Variants in ADARB2 observed in about 807,000 individuals in gnomAD.
ADARB2 encodes the protein inactive double-stranded RNA-specific editase B2.
Under a neutral mutation model 62.2 loss-of-function variants are expected in ADARB2, and 25 were observed. That is an observed-to-expected ratio of 0.40 (90% confidence interval 0.29 to 0.56). The LOEUF is 0.56. Ranked by LOEUF, ADARB2 falls within the 20% of genes least tolerant of loss-of-function variation. The probability of loss-of-function intolerance (pLI) is 0.43; values close to 1 mark genes in which losing one functional copy is unlikely to be tolerated. For missense variants in ADARB2, 1,071 were observed against 1,077.4 expected (o/e 0.99, Z 0.08); for synonymous variants, 572 against 500.8 (o/e 1.14, Z -1.90).
At chr10:1,244,499 C>G (rs1413946251) in intron 4 of ADARB2, among the ~76,000 whole-genome samples, 1 of 152,204 alleles carries the variant, frequency 6.6e-6, no homozygotes, top group Non-Finnish European at 1.5e-5. Context: ...CCCTTTACCC[C>G]TCATTGATTC....
At chr10:1,445,964 T>C (rs1398088408) in intron 1 of ADARB2, among the ~76,000 whole-genome samples, 1 of 152,228 alleles carries the variant, frequency 6.6e-6, no homozygotes, top group Admixed American at 6.5e-5. Context: ...TTCGATATTA[T>C]AGTCCAAAGT....
At chr10:1,297,777 G>T (rs1244668479) in intron 3 of ADARB2, among the ~76,000 whole-genome samples, 1 of 152,204 alleles carries the variant, frequency 6.6e-6, no homozygotes, top group Non-Finnish European at 1.5e-5. Context: ...CCCCAGTCTA[G>T]AGACGCGGGC....
intron 1 of ADARB2, among the ~76,000 whole-genome samples, chr10:1,627,332 C>G (rs774672099): frequency 6.6e-6 from 1 of 152,222 alleles, no homozygotes; most frequent in East Asian, 1.9e-4. Flanking sequence ...CATGCAAGAT[C>G]GCCTCCCACA....
At chr10:1,373,600 T>C (rs1832393540) in intron 2 of ADARB2, among the ~76,000 whole-genome samples, 1 of 152,204 alleles carries the variant, frequency 6.6e-6, no homozygotes, top group African/African-American at 2.4e-5. Flanking sequence ...TGCATTTGTG[T>C]GTACACCTAC....
intron 8 of ADARB2, among the ~76,000 whole-genome samples, chr10:1,193,275 C>A (rs536012250): frequency 4.6e-5 from 7 of 152,130 alleles, no homozygotes; most frequent in African/African-American, 1.7e-4. Context: ...GATGGACGAC[C>A]GCTCAGGTTC....
intron 1 of ADARB2, among the ~76,000 whole-genome samples, chr10:1,676,855 GGA>G (rs1834472476): frequency 2.6e-5 from 4 of 151,632 alleles, no homozygotes. Flanking sequence ...TGAAGAGGAT[GGA>G]GAGAAGGTGG....
At chr10:1,221,088 G>C (rs548614532) in intron 6 of ADARB2, among the ~76,000 whole-genome samples, 43 of 152,302 alleles carry the variant, frequency 2.8e-4, no homozygotes, top group South Asian at 4.1e-4. Context: ...TGAGAGGTGG[G>C]AAGGAGTTGA....
At chr10:1,185,155 T>A in intron 8 of ADARB2, 116 bp from the exon 9 acceptor site, 1 of 1,329,382 alleles carries the variant, frequency 7.5e-7, no homozygotes, top group Non-Finnish European at 1.0e-6. Context: ...TCCTCCCTTT[T>A]CATCCTCAGG....
chr10:1,644,847 T>C (rs953655887), intron 1 of ADARB2, among the ~76,000 whole-genome samples: 7 of 152,246 alleles, frequency 4.6e-5, no homozygotes, highest in African/African-American at 1.7e-4. Context: ...TGTTTAAATT[T>C]ATGACTCGAG....
intron 1 of ADARB2, among the ~76,000 whole-genome samples, chr10:1,696,057 C>A (rs2119133690): frequency 6.6e-6 from 1 of 152,156 alleles, no homozygotes; most frequent in African/African-American, 2.4e-5. Context: ...CATGCACACA[C>A]ATGCATTGTG....
At chr10:1,277,132 T>G (rs1831325208) in intron 3 of ADARB2, among the ~76,000 whole-genome samples, 1 of 152,176 alleles carries the variant, frequency 6.6e-6, no homozygotes, top group African/African-American at 2.4e-5. Context: ...TTTATAGCAC[T>G]AAATGCCCAC....
At chr10:1,689,135 T>A (rs1476151901) in intron 1 of ADARB2, among the ~76,000 whole-genome samples, 1 of 152,184 alleles carries the variant, frequency 6.6e-6, no homozygotes, top group African/African-American at 2.4e-5. Flanking sequence ...AGGAACTGGC[T>A]GCCAGGAGAT....
At chr10:1,234,287 C>A (rs890415608) in intron 5 of ADARB2, among the ~76,000 whole-genome samples, 1 of 151,708 alleles carries the variant, frequency 6.6e-6, no homozygotes, top group African/African-American at 2.4e-5. Flanking sequence ...CTGCGCCTGG[C>A]CCCCAAGTTT....
chr10:1,723,228 T>C (rs921496912), intron 1 of ADARB2, among the ~76,000 whole-genome samples: 3 of 152,338 alleles, frequency 2.0e-5, no homozygotes, highest in African/African-American at 4.8e-5. Context: ...TGGAAGAGCT[T>C]CCAGCAGTGT....
chr10:1,679,048 G>A (rs1198900310), intron 1 of ADARB2, among the ~76,000 whole-genome samples: 1 of 152,148 alleles, frequency 6.6e-6, no homozygotes, highest in African/African-American at 2.4e-5. Context: ...CACGATTTGG[G>A]GCAATTCTCA....
intron 3 of ADARB2, among the ~76,000 whole-genome samples, chr10:1,335,238 G>A (rs1483067721): frequency 1.3e-5 from 2 of 151,244 alleles, no homozygotes; most frequent in East Asian, 3.9e-4. Context: ...ATGGAAGGAG[G>A]GATGGAGGGT....
At chr10:1,656,060 GCTGT>G (rs776729441) in intron 1 of ADARB2, among the ~76,000 whole-genome samples, 5 of 152,190 alleles carry the variant, frequency 3.3e-5, no homozygotes, top group Non-Finnish European at 7.4e-5. Context: ...CTGAAATAAA[GCTGT>G]CTAAGAGTAA....
chr10:1,190,475 T>C (rs1025702836), intron 8 of ADARB2, among the ~76,000 whole-genome samples: 1 of 152,216 alleles, frequency 6.6e-6, no homozygotes, highest in Admixed American at 6.5e-5. Flanking sequence ...TGTATTTGTT[T>C]TAGGTGATTG....
intron 8 of ADARB2, among the ~76,000 whole-genome samples, chr10:1,191,380 G>A (rs1190034068): frequency 2.0e-5 from 3 of 152,198 alleles, no homozygotes; most frequent in Non-Finnish European, 4.4e-5. Context: ...CCGTTGGGTA[G>A]GACCTTGGAT....
Sources: gnomAD v4.1 joint callset for allele counts (sites outside exome capture counted in the v4.1 genomes callset) on GRCh38, gnomAD v4.1.1 for gene constraint, MANE v1.5 for transcripts, NCBI Gene and HGNC (gene_info 2026-07-23, HGNC 2026-07-21) for gene names.